CCDC93: variants seen among roughly 807,000 people sequenced by gnomAD.
The protein encoded by CCDC93 is CCC complex scaffolding subunit CCDC93.
A neutral mutation model predicts 108.2 loss-of-function variants in CCDC93; 61 were observed. That is an observed-to-expected ratio of 0.56 (90% confidence interval 0.46 to 0.70). The LOEUF is 0.70. Among genes scored for constraint, CCDC93 ranks in the 30% least tolerant of loss-of-function variants. The pLI is 0.00. For synonymous variants in CCDC93, 276 were observed against 260.4 expected (o/e 1.06, Z -0.58); for missense variants, 685 against 764.2 (o/e 0.90, Z 1.22).
At chr2:117,966,552 G>A (rs1270424687) in intron 11 of CCDC93, among the ~76,000 whole-genome samples, 1 of 152,242 alleles carries the variant, frequency 6.6e-6, no homozygotes, top group South Asian at 2.1e-4. Context: ...AACTTAGTGA[G>A]TGACAGAACT....
Position 117,926,978 on chromosome 2 carries a change from T to G in CCDC93, c.1842+4059A>C, listed in dbSNP as rs1678131391. Among the ~76,000 whole-genome samples the G allele has an allele frequency of 4.6e-5, 7 of 152,232 alleles. No homozygotes were observed. The East Asian group carries it at 1.4e-3, about 29-fold the overall frequency. ...GGCTGGTACAACATATGCAAATCAA[T>G]AAACATAATCCAGCATATAAACAGA... On this transcript the variant is annotated intron_variant, in intron 23 of 23. Coordinates refer to ENST00000376300, the MANE Select transcript of CCDC93 (RefSeq NM_019044.5).
chr2:117,939,706 G>C (rs1035338143), intron 19 of CCDC93, among the ~76,000 whole-genome samples: 1 of 152,216 alleles, frequency 6.6e-6, no homozygotes, highest in African/African-American at 2.4e-5. Context: ...TCCCAGCCTA[G>C]TGGGGCCGGG....
chr2:117,920,386 T>C lies in CCDC93; in HGVS notation c.1853A>G (p.Lys618Arg), dbSNP rs781041329. 12 of 1,612,794 alleles carry C rather than the reference T, an allele frequency of 7.4e-6. No individual in the cohort carries two copies. Among genetic ancestry groups the C allele is most frequent in the Non-Finnish European group, 1.0e-5 (12 of 1,179,064 alleles). Residue 618 changes from lysine (K) to arginine (R), a missense_variant, in exon 24 of 24, where the codon AAG (lysine) becomes AGG (arginine). Lys to Arg is a conservative substitution (Grantham distance 26, BLOSUM62 2). Transcript: ENST00000376300. Reference sequence around the variant, plus strand: ...CACCTTGGACAGCAGCATCTCGTTCTTGCGGCCCTCCTGGAGGGAAAGCAG... The same window carrying C: ...CACCTTGGACAGCAGCATCTCGTTCCTGCGGCCCTCCTGGAGGGAAAGCAG... The part of the protein sequence containing the change: ...TVKEFKEEGR[K>R]NEMLLSKVKA...
rs1677820705 is a variant in CCDC93, at chr2:117,920,377, A to G, written c.1862T>C (p.Met621Thr). The G allele has an allele frequency of 1.2e-6, 2 of 1,613,302 alleles. No individual in the cohort carries two copies. The highest frequency in any genetic ancestry group is 1.7e-6 in the Non-Finnish European group (2 of 1,179,364). The change falls in exon 24 of 24, where the codon ATG becomes ACG. Residue 621 changes from methionine to threonine, a missense_variant. Physicochemically the swap from Met to Thr is moderately conservative, Grantham distance 81 (BLOSUM62 -1). Coordinates refer to ENST00000376300, the MANE Select transcript of CCDC93 (RefSeq NM_019044.5). ...CTTCGCTTTCACCTTGGACAGCAGC[A>G]TCTCGTTCTTGCGGCCCTCCTGGAG... ...EFKEEGRKNE[M>T]LLSKVKAKAS
intron 1 of CCDC93, among the ~76,000 whole-genome samples, chr2:118,010,274 T>C (rs1676990248): frequency 6.6e-6 from 1 of 152,194 alleles, no homozygotes; most frequent in Non-Finnish European, 1.5e-5. Context: ...CATTTTGATT[T>C]AAAATTTTTA....
At chr2:117,995,549 A>C (rs1331526657) in intron 5 of CCDC93, 47 bp from the exon 6 acceptor site, 1 of 1,417,702 alleles carries the variant, frequency 7.1e-7, no homozygotes, top group South Asian at 1.2e-5. Context: ...GGGAAAATTA[A>C]AACTCAAGTG....
In CCDC93 at chr2:117,957,957, A is replaced by G. The variant is rs576218726; in HGVS notation, c.1005+408T>C. Among the ~76,000 whole-genome samples, 5 of 152,320 alleles carry G rather than the reference A, an allele frequency of 3.3e-5. No individual in the cohort carries two copies. The East Asian group carries it at 9.6e-4, about 29-fold the overall frequency. ...TTAGAAGTTAAGATCCTTGACAGGA[A>G]GGATCATAACTTGTTCTTCATTCAT... On this transcript the variant is annotated intron_variant, in intron 12 of 23. Coordinates refer to ENST00000376300, the MANE Select transcript of CCDC93 (RefSeq NM_019044.5).
At chr2:117,950,283 G>A (rs1039608093) in intron 13 of CCDC93, 1 of 984,996 alleles carries the variant, frequency 1.0e-6, no homozygotes, top group African/African-American at 1.7e-5. Context: ...AATTCAACAA[G>A]TCAATTCTGA....
chr2:117,937,466 C>T (rs1484747226), intron 20 of CCDC93, among the ~76,000 whole-genome samples: 2 of 152,114 alleles, frequency 1.3e-5, no homozygotes, highest in East Asian at 3.9e-4. Flanking sequence ...CTTAGTACTC[C>T]ACAGGAAGGT....
intron 11 of CCDC93, among the ~76,000 whole-genome samples, chr2:117,966,112 C>G (rs936472291): frequency 1.3e-5 from 2 of 152,174 alleles, no homozygotes; most frequent in Non-Finnish European, 2.9e-5. Flanking sequence ...CTAGTGGAAA[C>G]GAAGGCCTTA....
chr2:117,963,670 T>G (rs1296340180), intron 11 of CCDC93, among the ~76,000 whole-genome samples: 1 of 152,226 alleles, frequency 6.6e-6, no homozygotes, highest in Non-Finnish European at 1.5e-5. Flanking sequence ...CTGCTCAGAA[T>G]GCACTTAACA....
At chr2:117,961,450 T>C (rs1679387426) in intron 11 of CCDC93, among the ~76,000 whole-genome samples, 1 of 152,220 alleles carries the variant, frequency 6.6e-6, no homozygotes, top group Admixed American at 6.5e-5. Context: ...TTAGAGACAG[T>C]GCTATGGGAA....
In CCDC93 at chr2:117,945,581, G is replaced by A. The variant is rs754324382; in HGVS notation, c.1298C>T (p.Thr433Ile). 2.5e-6 allele frequency: 4 copies of A among 1,613,140 alleles called. No individual in the cohort carries two copies. In the East Asian group the frequency reaches 6.7e-5, roughly 27 times the overall value. ...ACCAGGCGGCTCTCCACTGGAGAGG[G>A]TCTGAAACAATGAAAACATAATAAA... ...AERAPRGDEK[T>I]LSSGEPPGTL... Residue 433 changes from threonine (T) to isoleucine (I), a missense_variant and splice_region_variant, in exon 17 of 24, where the codon ACC becomes ATC. Transcript: ENST00000376300.
chr2:117,920,355 C>A lies in CCDC93; in HGVS notation c.1884G>T (p.Ala628=), dbSNP rs370801071. Residue 628 remains alanine, a synonymous_variant, in exon 24 of 24, where the codon GCG becomes GCT. Transcript: ENST00000376300. ...KNEMLLSKVK[A]KAS ...CGGCTGGGGATGTTCAGGAGGCCTT[C>A]GCTTTCACCTTGGACAGCAGCATCT... 1 of 1,612,930 alleles carries A rather than the reference C, an allele frequency of 6.2e-7. No homozygotes were observed. Among genetic ancestry groups the A allele is most frequent in the Admixed American group, 1.7e-5 (1 of 59,958 alleles).
rs1459715205 is a variant in CCDC93, at chr2:117,951,294, A to G, written c.1068+1079T>C. 10 of 985,322 alleles carry G rather than the reference A, an allele frequency of 1.0e-5. No individual in the cohort carries two copies. In the South Asian group the frequency reaches 3.3e-4, roughly 32 times the overall value. The allele number at this position is 985,322 out of a possible 1,614,324, so 61.0% of individuals were successfully genotyped here. On this transcript the variant is annotated intron_variant, in intron 13 of 23. Transcript: ENST00000376300. ...GGAACCCAGTCACAGAGCAATGTAA[A>G]GGAAGCTAATCTGTCCAAAGGCAAG...
intron 12 of CCDC93, among the ~76,000 whole-genome samples, chr2:117,953,837 T>G (rs1351662445): frequency 1.3e-5 from 2 of 151,326 alleles, no homozygotes; most frequent in African/African-American, 4.9e-5. Flanking sequence ...GAGGCTGCAG[T>G]GAGTTATGAT....
At chr2:117,991,950 A>G (rs1303960727) in intron 6 of CCDC93, among the ~76,000 whole-genome samples, 1 of 152,180 alleles carries the variant, frequency 6.6e-6, no homozygotes, top group East Asian at 1.9e-4. Flanking sequence ...TGGGACTCTC[A>G]TTTCAAGTCA....
chr2:117,945,545 G>C lies in CCDC93; in HGVS notation c.1334C>G (p.Ser445Cys), dbSNP rs774112868. ...SSGEPPGTLT[S>C]AMTHDEDLDR... is the part of the protein sequence containing the mutation. Reference sequence around the variant, plus strand: ...GGTACTTACGTCATGAGTCATTGCAGAGGTCAAGGTACCAGGCGGCTCTCC... The same window carrying C: ...GGTACTTACGTCATGAGTCATTGCACAGGTCAAGGTACCAGGCGGCTCTCC... Residue 445 changes from serine (S) to cysteine (C), a missense_variant, in exon 17 of 24, where the codon TCT becomes TGT. Physicochemically the swap from Ser to Cys is moderately radical, Grantham distance 112. Transcript: ENST00000376300. The C allele has an allele frequency of 1.9e-6, 3 of 1,613,982 alleles. No individual in the cohort carries two copies. The highest frequency in any genetic ancestry group is 2.5e-6 in the Non-Finnish European group (3 of 1,179,896).
chr2:117,997,400 A>T (rs1680687752), intron 4 of CCDC93: 2 of 152,200 alleles, frequency 1.3e-5, no homozygotes, highest in South Asian at 4.1e-4. Context: ...CCCTCTCCAG[A>T]GAAAGCTACT....
Sources: allele counts gnomAD v4.1 joint callset (sites outside exome capture counted in the v4.1 genomes callset), GRCh38; gene constraint gnomAD v4.1.1; transcripts MANE v1.5; gene names NCBI Gene and HGNC (gene_info 2026-07-23, HGNC 2026-07-21).